MALRD1: variants seen among roughly 807,000 people sequenced by gnomAD.
The protein encoded by MALRD1 is MAM and LDL-receptor class A domain-containing protein 1.
In MALRD1, 247 loss-of-function variants were observed where a neutral mutation model predicts 242.1. That is an observed-to-expected ratio of 1.02 (90% CI 0.92 to 1.13). MALRD1 has a LOEUF of 1.13. Among genes scored for constraint, MALRD1 ranks in the 50% most tolerant of loss-of-function variants. The pLI is 0.00. For missense variants in MALRD1, 2,989 were observed against 2,533.1 expected, an observed-to-expected ratio of 1.18 and a Z score of -3.86; for synonymous variants, 995 against 866.6, an observed-to-expected ratio of 1.15 and a Z score of -2.60.
intron 29 of MALRD1, among the ~76,000 whole-genome samples, chr10:19,490,856 G>C (rs908944849): frequency 6.6e-6 from 1 of 152,024 alleles, no homozygotes; most frequent in Non-Finnish European, 1.5e-5. Context: ...CAAAAAATTT[G>C]CATAAAATAG....
chr10:19,530,445 A>ATC lies in MALRD1; in HGVS notation c.5321-749_5321-748insTC, dbSNP rs1370145335. 4.9e-3 allele frequency among the ~76,000 whole-genome samples: 277 copies of ATC among 56,318 alleles called. 18 individuals carry two copies. The East Asian group carries it at 0.11, about 22-fold the overall frequency. 36.9% of individuals were successfully genotyped at this position (56,318 alleles called of 152,430 possible). A position where few individuals can be genotyped will look rare whatever the true frequency, so the allele number is the denominator to read the frequency against. On this transcript the variant is annotated intron_variant, in intron 31 of 39. Transcript: ENST00000454679. ...TAAATATATAATATATATAATATATAATATATAATATATAATAATAAATAA... is the reference window on the plus strand; with the variant it reads ...TAAATATATAATATATATAATATATATCATATATAATATATAATAATAAATAA...
chr10:19,684,245 A>G (rs1245139012), intron 36 of MALRD1, among the ~76,000 whole-genome samples: 1 of 152,192 alleles, frequency 6.6e-6, no homozygotes, highest in African/African-American at 2.4e-5. Context: ...CTGTGACTTC[A>G]TCTTCTCCAC....
chr10:19,206,233 A>G (rs11008939), intron 17 of MALRD1, among the ~76,000 whole-genome samples: 111,196 of 151,202 alleles, frequency 0.74, 41,113 homozygotes, highest in South Asian at 0.83. Flanking sequence ...ATTTCCATAT[A>G]CATCATCGTA....
At chr10:19,539,124 A>G (rs1045106259) in intron 32 of MALRD1, among the ~76,000 whole-genome samples, 3 of 152,214 alleles carry the variant, frequency 2.0e-5, no homozygotes, top group African/African-American at 7.2e-5. Context: ...AGACTTAATA[A>G]GATCAGATGG....
At chr10:19,127,513 G>A (rs1197393607) in intron 7 of MALRD1, among the ~76,000 whole-genome samples, 1 of 152,092 alleles carries the variant, frequency 6.6e-6, no homozygotes, top group Non-Finnish European at 1.5e-5. Context: ...CATCAGAGAC[G>A]TGCAGCAGTT....
chr10:19,665,580 A>G (rs1841641492), intron 36 of MALRD1, among the ~76,000 whole-genome samples: 1 of 152,020 alleles, frequency 6.6e-6, no homozygotes, highest in African/African-American at 2.4e-5. Context: ...CATAACTCAG[A>G]TCCCCTTCAC....
chr10:19,343,512 C>G (rs561976903), intron 24 of MALRD1, among the ~76,000 whole-genome samples: 1 of 152,126 alleles, frequency 6.6e-6, no homozygotes, highest in South Asian at 2.1e-4. Flanking sequence ...CCCATCATCC[C>G]TAACCTCAGG....
At position 19,162,249 on chromosome 10, in the gene MALRD1, A is replaced by AT. The variant is rs1195000107; in HGVS notation, c.1657-3381dup. 3.3e-5 allele frequency among the ~76,000 whole-genome samples: 5 copies of AT among 151,998 alleles called. No homozygotes were observed. In the East Asian group the frequency reaches 7.7e-4, roughly 24 times the overall value. On this transcript the variant is annotated intron_variant, in intron 12 of 39. Coordinates refer to ENST00000454679, the MANE Select transcript of MALRD1 (RefSeq NM_001142308.3). ...CCTAAGGACCTGTAATGCCTTATAC[A>AT]TTTTTTTGACGTAGAATAGATTATC... is the stretch of plus-strand genomic sequence containing the variant.
intron 38 of MALRD1, among the ~76,000 whole-genome samples, chr10:19,697,065 C>T (rs1589414530): frequency 6.6e-6 from 1 of 151,946 alleles, no homozygotes; most frequent in African/African-American, 2.4e-5. Context: ...ATACATAAAC[C>T]ACTAGGTGAA....
At chr10:19,343,292 A>C (rs1843965086) in intron 24 of MALRD1, among the ~76,000 whole-genome samples, 2 of 152,238 alleles carry the variant, frequency 1.3e-5, no homozygotes, top group Non-Finnish European at 2.9e-5. Context: ...AGTGCAGAAA[A>C]ATACTATGTA....
intron 32 of MALRD1, among the ~76,000 whole-genome samples, chr10:19,565,561 A>G (rs1285218615): frequency 6.6e-6 from 1 of 152,194 alleles, no homozygotes; most frequent in Non-Finnish European, 1.5e-5. Flanking sequence ...CTCTATTATC[A>G]ACAAGTTGAA....
intron 36 of MALRD1, among the ~76,000 whole-genome samples, chr10:19,686,748 C>A (rs1375182917): frequency 1.3e-5 from 2 of 152,056 alleles, no homozygotes; most frequent in Non-Finnish European, 2.9e-5. Flanking sequence ...CGTGGAAATG[C>A]TATACAATTT....
intron 21 of MALRD1, among the ~76,000 whole-genome samples, chr10:19,283,745 AC>A (rs1457282316): frequency 2.6e-5 from 4 of 152,204 alleles, no homozygotes; most frequent in Non-Finnish European, 4.4e-5. Context: ...CACTGTAATG[AC>A]TTTCAACAAT....
At chr10:19,270,423 CTG>C (rs1473381923) in intron 19 of MALRD1, among the ~76,000 whole-genome samples, 2 of 151,210 alleles carry the variant, frequency 1.3e-5, no homozygotes, top group Non-Finnish European at 2.9e-5. Context: ...GACCTAAAAA[CTG>C]TGACACTATT....
intron 32 of MALRD1, among the ~76,000 whole-genome samples, chr10:19,540,114 C>T (rs960655281): frequency 2.0e-5 from 3 of 151,982 alleles, no homozygotes; most frequent in Non-Finnish European, 2.9e-5. Context: ...ACTGAGGGCC[C>T]TTCTGGTCGA....
intron 21 of MALRD1, among the ~76,000 whole-genome samples, chr10:19,286,842 C>T (rs1244401420): frequency 1.3e-5 from 2 of 150,944 alleles, no homozygotes; most frequent in Non-Finnish European, 3.0e-5. Context: ...CATTCTGATA[C>T]CAAAGCCGGG....
intron 21 of MALRD1, among the ~76,000 whole-genome samples, chr10:19,283,481 C>A (rs1437434415): frequency 6.6e-6 from 1 of 152,018 alleles, no homozygotes; most frequent in African/African-American, 2.4e-5. Context: ...CTATGGATGT[C>A]TTGCCTCCCC....
rs191491258 is a variant in MALRD1 at position 19,592,914 on chromosome 10, G to T, written c.5681-2280G>T. Among the ~76,000 whole-genome samples the T allele has an allele frequency of 1.4e-3, 210 of 151,588 alleles. 1 individual carries two copies. In the Middle Eastern group the frequency reaches 0.021, roughly 15 times the overall value. On this transcript the variant is annotated intron_variant, in intron 33 of 39. Transcript: ENST00000454679. ...AGTCATAGATGTATTACTAAAGTTGGTTCTAGATTCTCGTTATATGCAAAG... is the reference window on the plus strand; with the variant it reads ...AGTCATAGATGTATTACTAAAGTTGTTTCTAGATTCTCGTTATATGCAAAG...
chr10:19,142,516 C>G (rs1564419481), intron 10 of MALRD1, among the ~76,000 whole-genome samples: 1 of 152,070 alleles, frequency 6.6e-6, no homozygotes, highest in Non-Finnish European at 1.5e-5. Context: ...GTTAAATATG[C>G]AAGAGAAAGC....
Sources: allele counts gnomAD v4.1 joint callset (sites outside exome capture counted in the v4.1 genomes callset), GRCh38; gene constraint gnomAD v4.1.1; transcripts MANE v1.5; gene names NCBI Gene and HGNC (gene_info 2026-07-23, HGNC 2026-07-21).